Variants in BPIFB4 observed in about 807,000 individuals in gnomAD.
BPIFB4 encodes the protein BPI fold-containing family B member 4.
BPIFB4 carries 62 observed loss-of-function variants against 69.2 expected under a neutral mutation model. That is an observed-to-expected ratio of 0.90 (90% CI 0.73 to 1.11). The LOEUF is 1.11. Ranked by LOEUF, BPIFB4 falls within the 50% of genes least tolerant of loss-of-function variation. The probability of loss-of-function intolerance (pLI) is 0.00; values close to 1 mark genes in which losing one functional copy is unlikely to be tolerated. For synonymous variants in BPIFB4, 330 were observed against 332.7 expected, an observed-to-expected ratio of 0.99 and a Z score of 0.09; for missense variants, 789 against 792.0, an observed-to-expected ratio of 1.00 and a Z score of 0.04.
At chr20:33,083,908 C>G in intron 5 of BPIFB4, 34 bp downstream of exon 5, 1 of 1,557,830 alleles carries the variant, frequency 6.4e-7, no homozygotes, top group Non-Finnish European at 8.7e-7. Flanking sequence ...CAGAAAGCCC[C>G]CATACACCTC....
At chr20:33,089,826 G>A (rs1251510907) in intron 9 of BPIFB4, among the ~76,000 whole-genome samples, 2 of 152,208 alleles carry the variant, frequency 1.3e-5, no homozygotes, top group Non-Finnish European at 2.9e-5. Context: ...GGGTCTGGGA[G>A]GTAATGGCTC....
intron 16 of BPIFB4, 107 bp downstream of exon 16, chr20:33,104,980 T>C: frequency 6.3e-6 from 7 of 1,111,762 alleles, no homozygotes; most frequent in Non-Finnish European, 9.0e-6. Flanking sequence ...CAATAGTATT[T>C]CTGAGCACTT....
intron 14 of BPIFB4, among the ~76,000 whole-genome samples, chr20:33,102,258 C>G (rs1238495085): frequency 6.6e-6 from 1 of 152,218 alleles, no homozygotes; most frequent in African/African-American, 2.4e-5. Context: ...GTCTTGTTTC[C>G]TTAGAAGGTA....
intron 16 of BPIFB4, among the ~76,000 whole-genome samples, chr20:33,105,107 T>C (rs1348635446): frequency 6.6e-6 from 1 of 152,192 alleles, no homozygotes; most frequent in Non-Finnish European, 1.5e-5. Context: ...TGATTATCTA[T>C]GAAAATTCCG....
Position 33,084,911 on chromosome 20 carries a change from A to G in BPIFB4, c.697A>G (p.Thr233Ala). ...GAGCAGGCTGCGTATCGTGGAGCTG[A>G]CCCTCCCTCGGGTGTCCGTGCGGCT... is the stretch of plus-strand genomic sequence containing the variant. ...GITGLRIVEL[T>A]LPRVSVRLLP... is the part of the protein sequence containing the mutation. The change falls in exon 6 of 18, where the codon ACC (threonine) becomes GCC (alanine). Residue 233 changes from threonine to alanine, a missense_variant. Transcript: ENST00000375483. 2 of 1,608,820 alleles carry G rather than the reference A, an allele frequency of 1.2e-6. No homozygotes were observed. Among genetic ancestry groups the G allele is most frequent in the South Asian group, 2.2e-5 (2 of 91,004 alleles).
rs75397420 is a variant in BPIFB4, at chr20:33,108,797, T to C, written c.1821+977T>C. 2.7e-3 allele frequency among the ~76,000 whole-genome samples: 418 copies of C among 152,316 alleles called. 5 individuals are homozygous for C. The highest frequency in any genetic ancestry group is 9.3e-3 in the East Asian group (48 of 5,184). On this transcript the variant is annotated intron_variant, in intron 17 of 17. Transcript: ENST00000375483. ...ACCATTATAAATACCATCACTGTAA[T>C]AAAGGATGCTGCAGTGAACATCTCA...
In BPIFB4 at chr20:33,086,012, C is replaced by G; in HGVS notation, c.783-9C>G. On this transcript the variant is annotated splice_polypyrimidine_tract_variant and intron_variant, in intron 6 of 17. Transcript: ENST00000375483. ...CTCATGGTCTCCCTGGCCCCTTGGC[C>G]TCCTCCAGTCTTATTGGCTTCCTGG... The G allele has an allele frequency of 6.2e-7, 1 of 1,601,264 alleles. No individual in the cohort carries two copies. The highest frequency in any genetic ancestry group is 1.7e-5 in the Admixed American group (1 of 59,830).
chr20:33,083,085 T>C, intron 4 of BPIFB4, 85 bp downstream of exon 4: 1 of 430,444 alleles, frequency 2.3e-6, no homozygotes, highest in Non-Finnish European at 4.2e-6. Context: ...GGAGGTGGTC[T>C]CCTGGGGGGC....
At chr20:33,098,521 G>C (rs1045330990) in intron 13 of BPIFB4, among the ~76,000 whole-genome samples, 1 of 152,050 alleles carries the variant, frequency 6.6e-6, no homozygotes, top group African/African-American at 2.4e-5. Context: ...GAGGTGGGTG[G>C]ATCACTTGAG....
rs377054815 is a variant in BPIFB4 at position 33,083,296 on chromosome 20, C to T, written c.170-71C>T. The T allele has an allele frequency of 7.3e-6, 11 of 1,503,496 alleles. No homozygotes were observed. The African/African-American group carries it at 9.8e-5, about 13-fold the overall frequency. 93.1% of individuals were successfully genotyped at this position (1,503,496 alleles called of 1,614,324 possible). ...GCAGTAGAGGGGGGCTGCTGGGTGG[C>T]AGTGGTGGTGGTCTTTTGGGTGGTG... On this transcript the variant is annotated intron_variant, in intron 4 of 17. Transcript: ENST00000375483.
chr20:33,089,441 C>T lies in BPIFB4; in HGVS notation c.991-57C>T, dbSNP rs1600556017. The T allele has an allele frequency of 4.3e-6, 7 of 1,613,308 alleles. No individual in the cohort carries two copies. The East Asian group carries it at 1.6e-4, about 36-fold the overall frequency. ...TATCGTTACTCTTGCGTCCCCGACTCCCTTGCTCCTACTCCCTGCAGCGTC... is the reference window on the plus strand; with the variant it reads ...TATCGTTACTCTTGCGTCCCCGACTTCCTTGCTCCTACTCCCTGCAGCGTC... On this transcript the variant is annotated intron_variant, in intron 8 of 17. Transcript: ENST00000375483.
intron 2 of BPIFB4, among the ~76,000 whole-genome samples, chr20:33,081,309 C>T (rs974173510): frequency 1.3e-5 from 2 of 152,248 alleles, no homozygotes; most frequent in African/African-American, 4.8e-5. Flanking sequence ...TGCTTTGTGT[C>T]ACCAGATTCA....
chr20:33,083,267 G>T (rs535538080), intron 4 of BPIFB4, 100 bp from the exon 5 acceptor site: 1 of 1,253,564 alleles, frequency 8.0e-7, no homozygotes, highest in African/African-American at 1.7e-5. Flanking sequence ...GGGGTTGCTG[G>T]GTGGCAGTAG....
chr20:33,084,571 C>A (rs1300689113), intron 5 of BPIFB4, among the ~76,000 whole-genome samples: 1 of 152,074 alleles, frequency 6.6e-6, no homozygotes, highest in Non-Finnish European at 1.5e-5. Context: ...GCAGGAGGAA[C>A]CTATATGTAT....
intron 9 of BPIFB4, 111 bp from the exon 10 acceptor site, chr20:33,090,597 T>C: frequency 6.5e-7 from 1 of 1,527,910 alleles, no homozygotes; most frequent in East Asian, 2.3e-5. Context: ...TTTCATGGTG[T>C]CTGGAGCTGG....
intron 12 of BPIFB4, among the ~76,000 whole-genome samples, chr20:33,097,060 G>C (rs1981775938): frequency 6.6e-6 from 1 of 152,178 alleles, no homozygotes; most frequent in Admixed American, 6.5e-5. Flanking sequence ...CCTGTGCCTT[G>C]CCTGGGACCT....
chr20:33,109,978 A>G (rs1196609520), intron 17 of BPIFB4, among the ~76,000 whole-genome samples: 1 of 152,250 alleles, frequency 6.6e-6, no homozygotes, highest in East Asian at 1.9e-4. Flanking sequence ...AGTTGCAAAC[A>G]TAGTACAGAC....
rs139146429 is a variant in BPIFB4 at position 33,090,800 on chromosome 20, G to A, written c.1143+1G>A. The A allele has an allele frequency of 2.4e-5, 38 of 1,614,128 alleles. No homozygotes were observed. The East Asian group carries it at 7.1e-4, about 30-fold the overall frequency. On this transcript the variant is annotated splice_donor_variant, in intron 10 of 17. Coordinates refer to ENST00000375483, the MANE Select transcript of BPIFB4 (RefSeq NM_182519.3). LOFTEE classifies it high-confidence loss of function. ...GGAATTCCTGGAGCTGGACCTCAAC[G>A]TGAGTGCCTGGGGTTCAGGGCAAAG...
At chr20:33,102,865 G>A in intron 14 of BPIFB4, 107 bp from the exon 15 acceptor site, 1 of 1,119,668 alleles carries the variant, frequency 8.9e-7, no homozygotes, top group African/African-American at 1.5e-5. Context: ...CAGGTGGAGA[G>A]TGATCGTGAG....
Sources: allele counts gnomAD v4.1 joint callset (sites outside exome capture counted in the v4.1 genomes callset), GRCh38; gene constraint gnomAD v4.1.1; transcripts MANE v1.5; gene names NCBI Gene and HGNC (gene_info 2026-07-23, HGNC 2026-07-21).